The following CDH13 variants were observed in gnomAD, a reference collection of about 807,000 sequenced individuals.
CDH13 encodes the protein cadherin 13, also known as cadherin-13.
Under a neutral mutation model 63.8 loss-of-function variants are expected in CDH13, and 24 were observed. The ratio of observed to expected loss-of-function variants is 0.38; its 90% confidence interval spans 0.27 to 0.53. The LOEUF is 0.53. Ranked by LOEUF, CDH13 falls within the 20% of genes least tolerant of loss-of-function variation. The pLI, the probability that CDH13 is intolerant of heterozygous loss-of-function variation, is 0.85. For missense variants in CDH13, 1,049 were observed against 903.1 expected, an observed-to-expected ratio of 1.16 and a Z score of -2.07; for synonymous variants, 503 against 355.3, an observed-to-expected ratio of 1.42 and a Z score of -4.67.
intron 6 of CDH13, among the ~76,000 whole-genome samples, chr16:83,440,534 C>G (rs1433483860): frequency 6.6e-6 from 1 of 152,144 alleles, no homozygotes; most frequent in Non-Finnish European, 1.5e-5. Context: ...AGTCCCAGAG[C>G]TTCAGGAGGC....
intron 2 of CDH13, among the ~76,000 whole-genome samples, chr16:82,918,849 C>G (rs1597212855): frequency 6.6e-6 from 1 of 152,106 alleles, no homozygotes; most frequent in African/African-American, 2.4e-5. Flanking sequence ...CTAATTGCTC[C>G]TCTCCAGAGT....
At chr16:83,460,982 A>AACACAC (rs367812199) in intron 6 of CDH13, among the ~76,000 whole-genome samples, 4,471 of 134,178 alleles carry the variant, frequency 0.033, 111 homozygotes, top group Middle Eastern at 0.05. Flanking sequence ...CTTGTCTCAA[A>AACACAC]ACACACACAC....
At chr16:83,604,593 T>A (rs996445143) in intron 8 of CDH13, among the ~76,000 whole-genome samples, 3 of 152,242 alleles carry the variant, frequency 2.0e-5, no homozygotes, top group African/African-American at 7.2e-5. Flanking sequence ...CTCATTCTTC[T>A]TTGGCCTGGG....
chr16:83,527,835 C>G (rs556129450), intron 7 of CDH13, among the ~76,000 whole-genome samples: 1 of 152,152 alleles, frequency 6.6e-6, no homozygotes, highest in Non-Finnish European at 1.5e-5. Flanking sequence ...CACTGGTATC[C>G]ATATCACACT....
Position 82,998,005 on chromosome 16 carries a change from A to G in CDH13, c.158-34005A>G, listed in dbSNP as rs1181881832. Reference sequence around the variant, plus strand: ...ATAGAAGATATCAGTGTTGTATTTCATAAATAGAGAAAGAGAATCTCAGAG... The same window carrying G: ...ATAGAAGATATCAGTGTTGTATTTCGTAAATAGAGAAAGAGAATCTCAGAG... On this transcript the variant is annotated intron_variant, in intron 2 of 13. Coordinates refer to ENST00000567109, the MANE Select transcript of CDH13 (RefSeq NM_001257.5). 2.6e-5 allele frequency among the ~76,000 whole-genome samples: 4 copies of G among 152,324 alleles called. No individual in the cohort carries two copies. In the South Asian group the frequency reaches 6.2e-4, roughly 24 times the overall value.
At chr16:82,910,636 C>T (rs927787442) in intron 2 of CDH13, among the ~76,000 whole-genome samples, 1 of 152,136 alleles carries the variant, frequency 6.6e-6, no homozygotes, top group Non-Finnish European at 1.5e-5. Context: ...AAGAAGGCTC[C>T]CAGGCTCCTA....
chr16:83,317,820 T>A (rs1484281218), intron 5 of CDH13, among the ~76,000 whole-genome samples: 2 of 149,276 alleles, frequency 1.3e-5, no homozygotes, highest in South Asian at 2.1e-4. Flanking sequence ...AAAAAAGGAA[T>A]CCAGTCTGCC....
At chr16:82,882,314 A>G (rs1263124788) in intron 2 of CDH13, among the ~76,000 whole-genome samples, 1 of 152,138 alleles carries the variant, frequency 6.6e-6, no homozygotes, top group East Asian at 1.9e-4. Context: ...CTGGGTACTA[A>G]TGTCATCTTC....
chr16:83,115,786 A>G (rs1219835996), intron 3 of CDH13, among the ~76,000 whole-genome samples: 1 of 152,216 alleles, frequency 6.6e-6, no homozygotes, highest in African/African-American at 2.4e-5. Flanking sequence ...GGGAACAAAG[A>G]TGATAGAGGT....
At chr16:83,723,979 T>C (rs1415212022) in intron 10 of CDH13, among the ~76,000 whole-genome samples, 1 of 152,132 alleles carries the variant, frequency 6.6e-6, no homozygotes, top group East Asian at 1.9e-4. Flanking sequence ...GATGAATGCA[T>C]GGATGAATGT....
intron 1 of CDH13, among the ~76,000 whole-genome samples, chr16:82,647,518 G>A (rs1218444673): frequency 6.6e-6 from 1 of 152,184 alleles, no homozygotes; most frequent in East Asian, 1.9e-4. Flanking sequence ...TGCTCTGGGT[G>A]TCTGGAGCTT....
At chr16:83,409,001 G>A (rs749174063) in intron 6 of CDH13, among the ~76,000 whole-genome samples, 34 of 152,172 alleles carry the variant, frequency 2.2e-4, no homozygotes, top group Non-Finnish European at 4.1e-4. Context: ...CTGAATCAGA[G>A]TGAGTGAGTG....
At chr16:83,060,088 C>A (rs35103100) in intron 3 of CDH13, among the ~76,000 whole-genome samples, 27,074 of 152,026 alleles carry the variant, frequency 0.18, 2,703 homozygotes, top group Middle Eastern at 0.22. Context: ...GCCACCGCAC[C>A]CGGCCTACTT....
At chr16:83,555,476 G>C (rs968727071) in intron 7 of CDH13, among the ~76,000 whole-genome samples, 3 of 152,192 alleles carry the variant, frequency 2.0e-5, no homozygotes, top group Non-Finnish European at 4.4e-5. Context: ...ATGAATTTCA[G>C]ACTTTGCTGG....
intron 11 of CDH13, among the ~76,000 whole-genome samples, chr16:83,771,204 A>G (rs1914738401): frequency 6.6e-6 from 1 of 152,140 alleles, no homozygotes; most frequent in Non-Finnish European, 1.5e-5. Context: ...TGCTTCTCTT[A>G]GAAAACGCAC....
chr16:82,674,350 TTGGACCACTTAG>T (rs1471596322), intron 1 of CDH13, among the ~76,000 whole-genome samples: 2 of 152,200 alleles, frequency 1.3e-5, no homozygotes, highest in East Asian at 1.9e-4. Context: ...AATATTGTAA[TTGGACCACTTAG>T]TTTTCATCTT....
At chr16:83,510,512 G>A in intron 7 of CDH13, among the ~76,000 whole-genome samples, 1 of 152,140 alleles carries the variant, frequency 6.6e-6, no homozygotes, top group East Asian at 1.9e-4. Flanking sequence ...AATGCTACCA[G>A]GAAAAGAGAG....
intron 4 of CDH13, among the ~76,000 whole-genome samples, chr16:83,139,373 G>GT (rs1231232322): frequency 1.3e-5 from 2 of 152,298 alleles, no homozygotes; most frequent in African/African-American, 4.8e-5. Context: ...TAAGAAATGT[G>GT]TAACAGCTGT....
At chr16:82,671,332 AG>A (rs1861548119) in intron 1 of CDH13, among the ~76,000 whole-genome samples, 1 of 152,204 alleles carries the variant, frequency 6.6e-6, no homozygotes, top group Non-Finnish European at 1.5e-5. Flanking sequence ...GCTATATTAT[AG>A]TATGTACACT....
Sources: allele counts gnomAD v4.1 joint callset (sites outside exome capture counted in the v4.1 genomes callset), GRCh38; gene constraint gnomAD v4.1.1; transcripts MANE v1.5; gene names NCBI Gene and HGNC (gene_info 2026-07-23, HGNC 2026-07-21).